Variants in TRIM45 observed in about 807,000 individuals in gnomAD.
TRIM45 encodes the protein E3 ubiquitin-protein ligase TRIM45.
Under a neutral mutation model 46.7 loss-of-function variants are expected in TRIM45, and 45 were observed. The ratio of observed to expected loss-of-function variants is 0.96; its 90% CI spans 0.76 to 1.24. The LOEUF is 1.24. Among genes scored for constraint, TRIM45 ranks in the 50% most tolerant of loss-of-function variants. TRIM45 has a pLI of 0.00. For missense variants in TRIM45, 680 were observed against 728.4 expected, an observed-to-expected ratio of 0.93 and a Z score of 0.77; for synonymous variants, 259 against 285.8, an observed-to-expected ratio of 0.91 and a Z score of 0.94.
Position 117,120,869 on chromosome 1 carries a change from T to TA in TRIM45, c.332dup (p.Leu111PhefsTer10). On this transcript the variant is annotated frameshift_variant, in exon 1 of 6. Transcript: ENST00000256649. LOFTEE classifies it high-confidence loss of function. ...CATTCACGGCCAGGTGGTCTATGGT[T>TA]AAAGCCTTCACTCCACCCATGGGCA... 1 of 1,614,212 alleles carries TA rather than the reference T, an allele frequency of 6.2e-7. No homozygotes were observed.
In TRIM45 at chr1:117,113,892, G is replaced by A. The variant is rs1312258565; in HGVS notation, c.1468-407C>T. Reference sequence around the variant, plus strand: ...GAAGCCCATGCCACAATAAGCTTAAGCTTTTCTTGATGGATTCTGCCTCAC... The same window carrying A: ...GAAGCCCATGCCACAATAAGCTTAAACTTTTCTTGATGGATTCTGCCTCAC... On this transcript the variant is annotated intron_variant, in intron 4 of 5. Coordinates refer to ENST00000256649, the MANE Select transcript of TRIM45 (RefSeq NM_025188.4). This position sits in a 1 kb window ranked among gnomAD's most constrained non-coding sequence, Gnocchi z 4.0. Among the ~76,000 whole-genome samples, 1 of 152,234 alleles carries A rather than the reference G, an allele frequency of 6.6e-6. No individual in the cohort carries two copies. The highest frequency in any genetic ancestry group is 1.5e-5 in the Non-Finnish European group (1 of 68,042).
At position 117,116,734 on chromosome 1, in the gene TRIM45, C is replaced by T. The variant is rs777578756; in HGVS notation, c.1234G>A (p.Ala412Thr). The T allele has an allele frequency of 5.6e-6, 9 of 1,614,142 alleles. No individual in the cohort carries two copies. The highest frequency in any genetic ancestry group is 7.6e-6 in the Non-Finnish European group (9 of 1,179,988). The change falls in exon 3 of 6, where the codon GCC becomes ACC. Residue 412 changes from alanine (A) to threonine (T), a missense_variant. Around this residue, in one of 3 missense-constraint regions of TRIM45, gnomAD observed 322 missense variants for 359.3 expected, o/e 0.90. Transcript: ENST00000256649. The surrounding 1 kb of genome is among the most constrained non-coding windows in gnomAD (Gnocchi z 4.6). ...CVLQGEDLHRAREKQTASFTL... is the reference protein window; with the variant it reads ...CVLQGEDLHRTREKQTASFTL... ...AAAGAGGCCGTCTGTTTCTCCCGGG[C>T]TCTGTGGAGGTCTGAAAAAGATAAA...
rs974869095 is a variant in TRIM45 at position 117,113,495 on chromosome 1, T to G, written c.1468-10A>C. On this transcript the variant is annotated splice_polypyrimidine_tract_variant and intron_variant, in intron 4 of 5. Coordinates refer to ENST00000256649, the MANE Select transcript of TRIM45 (RefSeq NM_025188.4). The surrounding 1 kb of genome is among the most constrained non-coding windows in gnomAD (Gnocchi z 4.0). ...CAGTGAATGGCGAGCCCTGCAGTGT[T>G]CAGACCAAAAGCAATGAACAGCATC... The G allele has an allele frequency of 5.6e-6, 9 of 1,611,900 alleles. No individual in the cohort carries two copies. The highest frequency in any genetic ancestry group is 7.6e-6 in the Non-Finnish European group (9 of 1,179,510).
chr1:117,118,284 C>T lies in TRIM45; in HGVS notation c.972G>A (p.Met324Ile). 6.2e-7 allele frequency: 1 copy of T among 1,614,194 alleles called. No homozygotes were observed. The highest frequency in any genetic ancestry group is 8.5e-7 in the Non-Finnish European group (1 of 1,180,042). ...GCTCGGTGAACTCCACTCCAGTCCG[C>T]ATGTCTGCCAGTAACTGTTCCAGCT... ...KAQLEQLLAD[M>I]RTGVEFTEHL... is the part of the protein sequence containing the mutation. The change falls in exon 2 of 6, where the codon ATG becomes ATA. Residue 324 changes from methionine (M) to isoleucine (I), a missense_variant. Around this residue, in one of 3 missense-constraint regions of TRIM45, gnomAD observed 322 missense variants for 359.3 expected, o/e 0.90. Coordinates refer to ENST00000256649, the MANE Select transcript of TRIM45 (RefSeq NM_025188.4). This position sits in a 1 kb window ranked among gnomAD's most constrained non-coding sequence, Gnocchi z 5.7.
Position 117,121,385 on chromosome 1 carries a change from A to C in TRIM45, c.-184T>G. ...GCGTCCTCGAAGGAATCACCCACAG[A>C]TCTACTCAGGAGGGCCCCCTCCTTT... On this transcript the variant is annotated 5_prime_UTR_variant, in exon 1 of 6. Coordinates refer to ENST00000256649, the MANE Select transcript of TRIM45 (RefSeq NM_025188.4). This position sits in a 1 kb window ranked among gnomAD's most constrained non-coding sequence, Gnocchi z 4.2. 1 of 670,678 alleles carries C rather than the reference A, an allele frequency of 1.5e-6. No homozygotes were observed. Among genetic ancestry groups the C allele is most frequent in the Non-Finnish European group, 2.4e-6 (1 of 409,202 alleles). The allele number at this position is 670,678 out of a possible 1,614,324, so 41.5% of individuals were successfully genotyped here. A position where few individuals can be genotyped will look rare whatever the true frequency, so the allele number is the denominator to read the frequency against.
chr1:117,120,949 T>C lies in TRIM45; in HGVS notation c.253A>G (p.Ser85Gly), dbSNP rs1353433254. 1 of 1,614,098 alleles carries C rather than the reference T, an allele frequency of 6.2e-7. No individual in the cohort carries two copies. The highest frequency in any genetic ancestry group is 1.3e-5 in the African/African-American group (1 of 74,930). The change falls in exon 1 of 6, where the codon AGT (serine) becomes GGT (glycine). Residue 85 changes from serine to glycine, a missense_variant. Ser to Gly is a moderately conservative substitution (Grantham distance 56). This residue lies in a region of TRIM45 where 349 missense variants were observed against 343.6 expected (regional missense o/e 1.02). Coordinates refer to ENST00000256649, the MANE Select transcript of TRIM45 (RefSeq NM_025188.4). The part of the protein sequence containing the change: ...GSIFQELKPR[S>G]LQSQIGILCP... Reference sequence around the variant, plus strand: ...AGGATGCCGATCTGCGACTGCAGACTTCGTGGCTTGAGTTCCTGGAATATT... The same window carrying C: ...AGGATGCCGATCTGCGACTGCAGACCTCGTGGCTTGAGTTCCTGGAATATT...
rs1379845574 is a variant in TRIM45, at chr1:117,116,492, A to G, written c.1352+124T>C. Reference sequence around the variant, plus strand: ...GGGCTTAAGCGATCCTCCTGCCTCCACTTCCCAAAGTGCTGGGATTACAGG... The same window carrying G: ...GGGCTTAAGCGATCCTCCTGCCTCCGCTTCCCAAAGTGCTGGGATTACAGG... On this transcript the variant is annotated intron_variant, in intron 3 of 5. Coordinates refer to ENST00000256649, the MANE Select transcript of TRIM45 (RefSeq NM_025188.4). The surrounding 1 kb of genome is among the most constrained non-coding windows in gnomAD (Gnocchi z 4.6). 2.2e-6 allele frequency: 3 copies of G among 1,334,864 alleles called. No individual in the cohort carries two copies. Among genetic ancestry groups the G allele is most frequent in the East Asian group, 4.8e-5 (2 of 41,432 alleles). 82.7% of individuals were successfully genotyped at this position (1,334,864 alleles called of 1,614,324 possible).
intron 1 of TRIM45, among the ~76,000 whole-genome samples, chr1:117,120,165 C>T (rs546008283): frequency 3.5e-4 from 54 of 152,258 alleles, no homozygotes; most frequent in Admixed American, 1.7e-3. Flanking sequence ...AGCTGAGGTC[C>T]GGCCAATCAT....
Position 117,111,098 on chromosome 1 carries a change from A to T in TRIM45, c.*1207T>A, listed in dbSNP as rs577440872. 1 of 152,360 alleles carries T rather than the reference A, an allele frequency of 6.6e-6. No homozygotes were observed. The highest frequency in any genetic ancestry group is 1.9e-4 in the East Asian group (1 of 5,190). 9.4% of individuals were successfully genotyped at this position (152,360 alleles called of 1,614,324 possible). On this transcript the variant is annotated 3_prime_UTR_variant, in exon 6 of 6. Transcript: ENST00000256649. The stretch of plus-strand genomic sequence containing the variant: ...ATGCTGAGTTTATTGCCATATAAGA[A>T]ATCAAGAGTTTCAGAAGAACACACA...
rs1650625343 is a variant in TRIM45 at position 117,121,368 on chromosome 1, G to A, written c.-167C>T. The A allele has an allele frequency of 4.0e-6, 3 of 758,496 alleles. No individual in the cohort carries two copies. The highest frequency in any genetic ancestry group is 3.5e-5 in the African/African-American group (2 of 57,310). The allele number at this position is 758,496 out of a possible 1,614,324, so 47.0% of individuals were successfully genotyped here. On this transcript the variant is annotated 5_prime_UTR_variant, in exon 1 of 6. Coordinates refer to ENST00000256649, the MANE Select transcript of TRIM45 (RefSeq NM_025188.4). This position sits in a 1 kb window ranked among gnomAD's most constrained non-coding sequence, Gnocchi z 4.2. ...GCAGACGGGAAGACGAGGCGTCCTCGAAGGAATCACCCACAGATCTACTCA... is the reference window on the plus strand; with the variant it reads ...GCAGACGGGAAGACGAGGCGTCCTCAAAGGAATCACCCACAGATCTACTCA...
chr1:117,120,869 T>A lies in TRIM45; in HGVS notation c.333A>T (p.Leu111Phe). ...CATTCACGGCCAGGTGGTCTATGGT[T>A]AAAGCCTTCACTCCACCCATGGGCA... Reference protein sequence around the residue: ...VDLPMGGVKALTIDHLAVNDV... With the variant: ...VDLPMGGVKAFTIDHLAVNDV... The change falls in exon 1 of 6, where the codon TTA becomes TTT. Residue 111 changes from leucine to phenylalanine, a missense_variant. Physicochemically the swap from Leu to Phe is conservative, Grantham distance 22. Around this residue, in one of 3 missense-constraint regions of TRIM45, gnomAD observed 349 missense variants for 343.6 expected, o/e 1.02. Coordinates refer to ENST00000256649, the MANE Select transcript of TRIM45 (RefSeq NM_025188.4). 1.2e-6 allele frequency: 2 copies of A among 1,614,212 alleles called. No individual in the cohort carries two copies. Among genetic ancestry groups the A allele is most frequent in the Non-Finnish European group, 1.7e-6 (2 of 1,180,030 alleles).
intron 4 of TRIM45, among the ~76,000 whole-genome samples, chr1:117,114,514 T>G (rs145982585): frequency 7.9e-5 from 12 of 152,236 alleles, no homozygotes; most frequent in Admixed American, 4.6e-4. Flanking sequence ...AGAGCCACAT[T>G]GTTTGCGAAA....
In TRIM45 at chr1:117,121,740, G is replaced by A; in HGVS notation, c.-539C>T. On this transcript the variant is annotated 5_prime_UTR_variant, in exon 1 of 6. Transcript: ENST00000256649. This position sits in a 1 kb window ranked among gnomAD's most constrained non-coding sequence, Gnocchi z 4.2. ...CCGCGCCTCGGCCCGGGACGCCCGC[G>A]GGCTCTGGCCCCTCCTCACACCAAT... The A allele has an allele frequency of 4.8e-6, 3 of 621,746 alleles. No homozygotes were observed. Among genetic ancestry groups the A allele is most frequent in the Non-Finnish European group, 2.9e-6 (1 of 339,010 alleles). 38.5% of individuals were successfully genotyped at this position (621,746 alleles called of 1,614,324 possible). A position where few individuals can be genotyped will look rare whatever the true frequency, so the allele number is the denominator to read the frequency against.
chr1:117,119,728 T>C (rs1650550135), intron 1 of TRIM45, among the ~76,000 whole-genome samples: 1 of 152,150 alleles, frequency 6.6e-6, no homozygotes, highest in Admixed American at 6.5e-5. Context: ...TAGGAAAACA[T>C]GGTGACTGTT....
Position 117,113,395 on chromosome 1 carries a change from T to C in TRIM45, c.1558A>G (p.Lys520Glu). Residue 520 changes from lysine to glutamate, a missense_variant, in exon 5 of 6, where the codon AAA (lysine) becomes GAA (glutamate). Physicochemically the swap from Lys to Glu is moderately conservative, Grantham distance 56. Transcript: ENST00000256649. This position sits in a 1 kb window ranked among gnomAD's most constrained non-coding sequence, Gnocchi z 4.0. The stretch of plus-strand genomic sequence containing the variant: ...CCTCCACAGGCGCAGCGAGCGGTTT[T>C]CTGGCCCCCGCTGGAGCAGAAGGTG... ...CCTFCSSGGQ[K>E]TARCACGGTM... 7 of 1,612,330 alleles carry C rather than the reference T, an allele frequency of 4.3e-6. No individual in the cohort carries two copies. The highest frequency in any genetic ancestry group is 5.9e-6 in the Non-Finnish European group (7 of 1,179,928).
At position 117,120,597 on chromosome 1, in the gene TRIM45, T is replaced by C. The variant is rs1033894511; in HGVS notation, c.488+117A>G. 3.1e-5 allele frequency: 44 copies of C among 1,434,416 alleles called. No homozygotes were observed. In the African/African-American group the frequency reaches 5.6e-4, roughly 18 times the overall value. The allele number at this position is 1,434,416 out of a possible 1,614,324, so 88.9% of individuals were successfully genotyped here. On this transcript the variant is annotated intron_variant, in intron 1 of 5. Coordinates refer to ENST00000256649, the MANE Select transcript of TRIM45 (RefSeq NM_025188.4). ...GCTATTGCATTGTTATATTGCTCTT[T>C]GACCTTCCACGGTATTTGAGAAGGC...
Position 117,113,368 on chromosome 1 carries a change from T to G in TRIM45, c.1585A>C (p.Thr529Pro). ...QKTARCACGG[T>P]MPGGYLGCGH... ...AGTGCTTTCTCCTTACCTGGCATGG[T>G]GCCTCCACAGGCGCAGCGAGCGGTT... is the stretch of plus-strand genomic sequence containing the variant. The change falls in exon 5 of 6, where the codon ACC (threonine) becomes CCC (proline). Residue 529 changes from threonine (T) to proline (P), a missense_variant. Physicochemically the swap from Thr to Pro is conservative, Grantham distance 38. This residue lies in a region of TRIM45 where 322 missense variants were observed against 359.3 expected (regional missense o/e 0.90). Transcript: ENST00000256649. The surrounding 1 kb of genome is among the most constrained non-coding windows in gnomAD (Gnocchi z 4.0). 2.5e-6 allele frequency: 4 copies of G among 1,612,106 alleles called. No individual in the cohort carries two copies. Among genetic ancestry groups the G allele is most frequent in the Non-Finnish European group, 3.4e-6 (4 of 1,179,866 alleles).
In TRIM45 at chr1:117,118,445, C is replaced by T. The variant is rs765049415; in HGVS notation, c.811G>A (p.Glu271Lys). Residue 271 changes from glutamate to lysine, a missense_variant, in exon 2 of 6, where the codon GAG becomes AAG. Coordinates refer to ENST00000256649, the MANE Select transcript of TRIM45 (RefSeq NM_025188.4). The surrounding 1 kb of genome is among the most constrained non-coding windows in gnomAD (Gnocchi z 5.7). ...IINSALQKRV[E>K]AVAADVRTFS... ...GTCCGGACATCAGCTGCCACTGCCT[C>T]CACTCGCTTCTGGAGGGCACTGTTT... is the stretch of plus-strand genomic sequence containing the variant. 78 of 1,613,958 alleles carry T rather than the reference C, an allele frequency of 4.8e-5. No homozygotes were observed. Among genetic ancestry groups the T allele is most frequent in the Non-Finnish European group, 6.8e-6 (8 of 1,180,034 alleles).
chr1:117,118,745 G>A lies in TRIM45; in HGVS notation c.511C>T (p.His171Tyr), dbSNP rs1238814468. The A allele has an allele frequency of 6.2e-7, 1 of 1,612,514 alleles. No individual in the cohort carries two copies. Residue 171 changes from histidine to tyrosine, a missense_variant, in exon 2 of 6, where the codon CAC becomes TAC. Physicochemically the swap from His to Tyr is moderately conservative, Grantham distance 83 (BLOSUM62 2). This residue lies in a region of TRIM45 where 349 missense variants were observed against 343.6 expected (regional missense o/e 1.02). Transcript: ENST00000256649. This position sits in a 1 kb window ranked among gnomAD's most constrained non-coding sequence, Gnocchi z 5.7. ...AAGTCTTTTAGGTCCACCATGGTGT[G>A]GTAAGTCGTTTTCTTCTGCCGCCTA... Reference protein sequence around the residue: ...AHRRQKKTTYHTMVDLKDLKG... With the variant: ...AHRRQKKTTYYTMVDLKDLKG...
Sources: gnomAD v4.1 joint callset for allele counts (sites outside exome capture counted in the v4.1 genomes callset) on GRCh38, gnomAD v4.1.1 for gene constraint, gnomAD v4.1.1 regional missense constraint, Gnocchi (gnomAD v3.1) non-coding constraint, MANE v1.5 for transcripts, NCBI Gene and HGNC (gene_info 2026-07-23, HGNC 2026-07-21) for gene names.